The following DNER variants were observed in gnomAD, a reference collection of about 807,000 sequenced individuals.
DNER encodes the protein delta/notch like EGF repeat containing.
A neutral mutation model predicts 78.2 loss-of-function variants in DNER; 33 were observed. The observed-to-expected ratio is 0.42, with a 90% confidence interval of 0.32 to 0.56. The LOEUF (loss-of-function observed/expected upper bound fraction) is 0.56. DNER is among the 20% of genes least tolerant of loss of function. The pLI, the probability that DNER is intolerant of heterozygous loss-of-function variation, is 0.11. For synonymous variants in DNER, 417 were observed against 384.8 expected (o/e 1.08, Z -0.98); for missense variants, 918 against 975.3 (o/e 0.94, Z 0.78).
intron 1 of DNER, among the ~76,000 whole-genome samples, chr2:229,630,167 T>C (rs751359564): frequency 6.6e-6 from 1 of 152,170 alleles, no homozygotes; most frequent in East Asian, 1.9e-4. Context: ...AGAAGTGTTA[T>C]AGACTCACAA....
chr2:229,401,903 C>T (rs935437682), intron 10 of DNER, among the ~76,000 whole-genome samples: 8 of 152,024 alleles, frequency 5.3e-5, no homozygotes, highest in Non-Finnish European at 7.4e-5. Context: ...GCAATGAAAT[C>T]CAATGGGGAA....
Position 229,591,093 on chromosome 2 carries a change from T to C in DNER, c.585+487A>G, listed in dbSNP as rs1156353547. ...GCTTTATGTACAGCCTGAAGAACAA[T>C]GAGCCAATAAACTTCTTTTCTCTAT... On this transcript the variant is annotated intron_variant, in intron 2 of 12. Transcript: ENST00000341772. The surrounding 1 kb of genome is among the most constrained non-coding windows in gnomAD (Gnocchi z 4.6). 6.6e-6 allele frequency among the ~76,000 whole-genome samples: 1 copy of C among 152,228 alleles called. No individual in the cohort carries two copies. The highest frequency in any genetic ancestry group is 2.4e-5 in the African/African-American group (1 of 41,462).
chr2:229,714,512 T>C lies in DNER; in HGVS notation c.-89A>G, dbSNP rs1055536495. 38 of 1,052,366 alleles carry C rather than the reference T, an allele frequency of 3.6e-5. No homozygotes were observed. In the East Asian group the frequency reaches 9.3e-4, roughly 26 times the overall value. The allele number at this position is 1,052,366 out of a possible 1,614,324, so 65.2% of individuals were successfully genotyped here. A position where few individuals can be genotyped will look rare whatever the true frequency, so the allele number is the denominator to read the frequency against. ...GCGACGAGAGCTGCGAGAGCGACGG[T>C]GGCGGCTAGGGCTGCTCCGCCGGGC... is the stretch of plus-strand genomic sequence containing the variant. On this transcript the variant is annotated 5_prime_UTR_variant, in exon 1 of 13. Coordinates refer to ENST00000341772, the MANE Select transcript of DNER (RefSeq NM_139072.4).
At chr2:229,425,908 C>T (rs1187313834) in intron 8 of DNER, among the ~76,000 whole-genome samples, 3 of 152,178 alleles carry the variant, frequency 2.0e-5, no homozygotes, top group African/African-American at 7.2e-5. Flanking sequence ...CTCGTACAGA[C>T]TGAATTCAAG....
chr2:229,390,560 C>T lies in DNER; in HGVS notation c.1724-2164G>A, dbSNP rs146352881. Reference sequence around the variant, plus strand: ...TGTTCTTGGGATCCACTAGATTGGACGGATTTGGTAAGAATGGAGATGGTG... The same window carrying T: ...TGTTCTTGGGATCCACTAGATTGGATGGATTTGGTAAGAATGGAGATGGTG... On this transcript the variant is annotated intron_variant, in intron 10 of 12. Transcript: ENST00000341772. Among the ~76,000 whole-genome samples, 138 of 152,276 alleles carry T rather than the reference C, an allele frequency of 9.1e-4. 1 individual carries two copies. Among genetic ancestry groups the T allele is most frequent in the African/African-American group, 3.2e-3 (131 of 41,552 alleles).
At chr2:229,668,984 T>C (rs187103094) in intron 1 of DNER, among the ~76,000 whole-genome samples, 2 of 152,210 alleles carry the variant, frequency 1.3e-5, no homozygotes, top group African/African-American at 4.8e-5. Context: ...TGCTCATCAA[T>C]GATAGACTGG....
In DNER at chr2:229,651,597, C is replaced by T. The variant is rs550785781; in HGVS notation, c.277-59709G>A. Among the ~76,000 whole-genome samples, 3 of 152,352 alleles carry T rather than the reference C, an allele frequency of 2.0e-5. No homozygotes were observed. The East Asian group carries it at 5.8e-4, about 29-fold the overall frequency. On this transcript the variant is annotated intron_variant, in intron 1 of 12. Transcript: ENST00000341772. Reference sequence around the variant, plus strand: ...CTATCCATTCTCAAGCTGAGTCCCTCCCTGGGCTGCTCCCTAGGGTCTGTT... The same window carrying T: ...CTATCCATTCTCAAGCTGAGTCCCTTCCTGGGCTGCTCCCTAGGGTCTGTT...
intron 2 of DNER, among the ~76,000 whole-genome samples, chr2:229,590,222 T>G (rs969142147): frequency 1.3e-4 from 20 of 152,328 alleles, no homozygotes; most frequent in Admixed American, 4.6e-4. Context: ...ATTTATTTTA[T>G]GTCAACTTCT....
rs767257830 is a variant in DNER at position 229,407,217 on chromosome 2, C to T, written c.1723+15G>A. 1.3e-6 allele frequency: 2 copies of T among 1,593,342 alleles called. No homozygotes were observed. Among genetic ancestry groups the T allele is most frequent in the Admixed American group, 1.7e-5 (1 of 58,962 alleles). The stretch of plus-strand genomic sequence containing the variant: ...TTGTGGTAAATTTGAAAACTCAGTC[C>T]CTGGAATCACTTGCCTGTAAACCCG... On this transcript the variant is annotated intron_variant, in intron 10 of 12. Coordinates refer to ENST00000341772, the MANE Select transcript of DNER (RefSeq NM_139072.4).
intron 1 of DNER, among the ~76,000 whole-genome samples, chr2:229,688,887 G>C (rs1699526347): frequency 6.6e-6 from 1 of 152,126 alleles, no homozygotes; most frequent in Non-Finnish European, 1.5e-5. Context: ...ACTAACACAG[G>C]AACAGAAAAT....
At chr2:229,698,608 C>A (rs976336787) in intron 1 of DNER, among the ~76,000 whole-genome samples, 1 of 152,102 alleles carries the variant, frequency 6.6e-6, no homozygotes, top group African/African-American at 2.4e-5. Context: ...TAAGTTTGAA[C>A]GTAATGATAA....
At chr2:229,573,466 A>C (rs1447576181) in intron 4 of DNER, among the ~76,000 whole-genome samples, 1 of 152,202 alleles carries the variant, frequency 6.6e-6, no homozygotes, top group Non-Finnish European at 1.5e-5. Flanking sequence ...CTTTGTGAGA[A>C]ACAATTAAAA....
chr2:229,468,202 C>A (rs1012038627), intron 7 of DNER, among the ~76,000 whole-genome samples: 1 of 152,258 alleles, frequency 6.6e-6, no homozygotes, highest in Admixed American at 6.5e-5. Context: ...GAATTCAGTT[C>A]ATGGTTTGAC....
intron 1 of DNER, among the ~76,000 whole-genome samples, chr2:229,625,371 T>A (rs1194543345): frequency 6.6e-6 from 1 of 152,184 alleles, no homozygotes; most frequent in Non-Finnish European, 1.5e-5. Flanking sequence ...ACTCCCTTAC[T>A]GCCACCTTCT....
At chr2:229,447,226 A>G (rs1694358932) in intron 8 of DNER, 90 bp downstream of exon 8, 4 of 1,305,670 alleles carry the variant, frequency 3.1e-6, no homozygotes, top group Non-Finnish European at 4.2e-6. Flanking sequence ...ATTTACAAGT[A>G]TACCAAGATG....
intron 1 of DNER, among the ~76,000 whole-genome samples, chr2:229,654,090 A>G (rs1418872550): frequency 4.6e-5 from 7 of 151,346 alleles, no homozygotes; most frequent in East Asian, 1.9e-4. Flanking sequence ...TACATTAGGT[A>G]TATCTCCCTA....
Position 229,512,918 on chromosome 2 carries a change from A to G in DNER, c.1012T>C (p.Cys338Arg). 1.9e-6 allele frequency: 3 copies of G among 1,614,034 alleles called. No homozygotes were observed. Among genetic ancestry groups the G allele is most frequent in the Non-Finnish European group, 2.5e-6 (3 of 1,179,964 alleles). The stretch of plus-strand genomic sequence containing the variant: ...AAAGTACCCACGTACTGCTCCTCAC[A>G]GGTACAGGAAAAAGTTGCCTAAAAC... The part of the protein sequence containing the change: ...KPSEATFSCT[C>R]EEQYVGTFCE... Residue 338 changes from cysteine (C) to arginine (R), a missense_variant, in exon 6 of 13, where the codon TGT becomes CGT. Transcript: ENST00000341772.
At chr2:229,474,335 C>A (rs1021733785) in intron 7 of DNER, among the ~76,000 whole-genome samples, 2 of 152,238 alleles carry the variant, frequency 1.3e-5, no homozygotes, top group African/African-American at 4.8e-5. Context: ...GGTATGAGCT[C>A]CTGCTAAGAG....
rs115633875 is a variant in DNER at position 229,629,797 on chromosome 2, G to A, written c.277-37909C>T. Among the ~76,000 whole-genome samples the A allele has an allele frequency of 2.4e-3, 363 of 152,294 alleles. 3 individuals are homozygous for A. Among genetic ancestry groups the A allele is most frequent in the African/African-American group, 7.8e-3 (325 of 41,574 alleles). On this transcript the variant is annotated intron_variant, in intron 1 of 12. Coordinates refer to ENST00000341772, the MANE Select transcript of DNER (RefSeq NM_139072.4). ...TCTGAATATTTGTCCCTCTGTGACC[G>A]CATCTGTAGGTGACTTTATCTTTGA...
Sources: allele counts gnomAD v4.1 joint callset (sites outside exome capture counted in the v4.1 genomes callset), GRCh38; gene constraint gnomAD v4.1.1; non-coding constraint Gnocchi (gnomAD v3.1); transcripts MANE v1.5; gene names NCBI Gene and HGNC (gene_info 2026-07-23, HGNC 2026-07-21).